The following LAMB4 variants were observed in gnomAD, a reference collection of about 807,000 sequenced individuals.
LAMB4 encodes the protein laminin subunit beta-4.
In LAMB4, 196 loss-of-function variants were observed where a neutral mutation model predicts 199.2. The ratio of observed to expected loss-of-function variants is 0.98; its 90% CI spans 0.88 to 1.11. The LOEUF (loss-of-function observed/expected upper bound fraction) is 1.11. LAMB4 is among the 50% of genes least tolerant of loss of function. The pLI is 0.00. For synonymous variants in LAMB4, 744 were observed against 770.6 expected, an observed-to-expected ratio of 0.97 and a Z score of 0.57; for missense variants, 2,080 against 2,171.2, an observed-to-expected ratio of 0.96 and a Z score of 0.83.
chr7:108,116,119 C>A lies in LAMB4; in HGVS notation c.77G>T (p.Gly26Val), dbSNP rs1225903691. 6 of 1,614,014 alleles carry A rather than the reference C, an allele frequency of 3.7e-6. No homozygotes were observed. The highest frequency in any genetic ancestry group is 1.1e-5 in the South Asian group (1 of 91,068). ...ATCACCAGTGGTGGGATGACAGGCA[C>A]CCCTGTTGCAGTCATCTTGAGCTTT... The part of the protein sequence containing the change: ...YSKAQDDCNR[G>V]ACHPTTGDLL... Residue 26 changes from glycine (G) to valine (V), a missense_variant, in exon 3 of 34, where the codon GGT becomes GTT. Gly to Val is a moderately radical substitution (Grantham distance 109). Transcript: ENST00000388781.
intron 29 of LAMB4, among the ~76,000 whole-genome samples, chr7:108,039,791 A>G (rs2035358025): frequency 6.6e-6 from 1 of 152,140 alleles, no homozygotes; most frequent in Non-Finnish European, 1.5e-5. Flanking sequence ...TTTTTAATTA[A>G]AAAAGTTCTA....
the LAMB4 span, among the ~76,000 whole-genome samples, chr7:108,012,863 A>C: frequency 2.8e-4 from 43 of 152,180 alleles, no homozygotes; most frequent in Non-Finnish European, 5.7e-4. Context: ...AGCTCCTTCT[A>C]TCTGGAATGC....
At chr7:108,021,819 A>G (rs2034700273), downstream of LAMB4, among the ~76,000 whole-genome samples, 1 of 152,308 alleles carries the variant, frequency 6.6e-6, no homozygotes, top group East Asian at 1.9e-4. Flanking sequence ...TTTTTTTGAT[A>G]CCTGGCATCA....
rs1205301668 is a variant in LAMB4, at chr7:108,116,124, G to A, written c.72C>T (p.Asn24=). 3.7e-6 allele frequency: 6 copies of A among 1,613,912 alleles called. No homozygotes were observed. The highest frequency in any genetic ancestry group is 5.1e-6 in the Non-Finnish European group (6 of 1,179,950). Residue 24 remains asparagine (N), a synonymous_variant, in exon 3 of 34, where the codon AAC becomes AAT. Transcript: ENST00000388781. ...LSYSKAQDDC[N]RGACHPTTGD... ...CAGTGGTGGGATGACAGGCACCCCT[G>A]TTGCAGTCATCTTGAGCTTTTGAGT...
At chr7:108,056,133 A>G in intron 24 of LAMB4, 126 bp from the exon 25 acceptor site, 1 of 816,726 alleles carries the variant, frequency 1.2e-6, no homozygotes, top group Non-Finnish European at 1.9e-6. Context: ...TGAATATTTA[A>G]AGCCAATATA....
intron 18 of LAMB4, among the ~76,000 whole-genome samples, chr7:108,068,943 C>T (rs1435885673): frequency 2.0e-5 from 3 of 152,192 alleles, no homozygotes; most frequent in African/African-American, 7.2e-5. Flanking sequence ...GCCTCAGCCT[C>T]CCAAAGTGCT....
chr7:108,030,785 G>A lies in LAMB4; in HGVS notation c.4992+21C>T, dbSNP rs2034998948. ...GAAGCCCTGCTTTTCTGCTCTTGGT[G>A]GCAGTGGTAGAACTAATGACCTTCT... On this transcript the variant is annotated intron_variant, in intron 32 of 33. Coordinates refer to ENST00000388781, the MANE Select transcript of LAMB4 (RefSeq NM_007356.3). 1.9e-6 allele frequency: 3 copies of A among 1,605,838 alleles called. No individual in the cohort carries two copies. The Admixed American group carries it at 5.1e-5, about 27-fold the overall frequency.
At chr7:108,116,198 T>G in intron 2 of LAMB4, 37 bp from the exon 3 acceptor site, 1 of 1,595,244 alleles carries the variant, frequency 6.3e-7, no homozygotes. Flanking sequence ...CGGAAGGCAG[T>G]CTAAGGACAG....
intron 1 of LAMB4, among the ~76,000 whole-genome samples, chr7:108,127,654 G>A (rs1475087472): frequency 1.3e-5 from 2 of 152,094 alleles, no homozygotes; most frequent in African/African-American, 2.4e-5. Flanking sequence ...CCCAGCCAGG[G>A]ACCTACTGAT....
chr7:108,038,580 A>G (rs1408342369), intron 29 of LAMB4, among the ~76,000 whole-genome samples: 1 of 152,256 alleles, frequency 6.6e-6, no homozygotes, highest in Non-Finnish European at 1.5e-5. Context: ...CCCAGGGGCC[A>G]CATGTGGCCC....
chr7:108,052,966 C>A (rs2035872408), intron 25 of LAMB4, among the ~76,000 whole-genome samples: 1 of 152,152 alleles, frequency 6.6e-6, no homozygotes, highest in South Asian at 2.1e-4. Flanking sequence ...ATTTATGGGA[C>A]TAATTTATCT....
At position 108,065,793 on chromosome 7, in the gene LAMB4, A is replaced by T. The variant is rs2036316605; in HGVS notation, c.2805T>A (p.Asp935Glu). 3 of 1,614,022 alleles carry T rather than the reference A, an allele frequency of 1.9e-6. No individual in the cohort carries two copies. Among genetic ancestry groups the T allele is most frequent in the African/African-American group, 2.7e-5 (2 of 74,934 alleles). ...HSCYQNLWSS[D>E]VICNCLQGYT... ...AACCTTGAAGACAATTGCAGATTAC[A>T]TCTGAGCTCCACAGATTCTGATAAC... is the stretch of plus-strand genomic sequence containing the variant. Residue 935 changes from aspartate (D) to glutamate (E), a missense_variant, in exon 21 of 34, where the codon GAT becomes GAA. By Grantham distance (45) the Asp-to-Glu change is conservative. Transcript: ENST00000388781.
intron 10 of LAMB4, among the ~76,000 whole-genome samples, chr7:108,100,762 A>G (rs1225245513): frequency 6.6e-6 from 1 of 152,250 alleles, no homozygotes; most frequent in Non-Finnish European, 1.5e-5. Context: ...TTTTATAAAT[A>G]CATAGTTTTA....
rs2036213736 is a variant in LAMB4 at position 108,062,896 on chromosome 7, G to A, written c.3160C>T (p.Pro1054Ser). Reference sequence around the variant, plus strand: ...TCACAGGCCAGGCCTGTGACATTCGGCAGACAAGGACATGCACCAGTGACA... The same window carrying A: ...TCACAGGCCAGGCCTGTGACATTCGACAGACAAGGACATGCACCAGTGACA... ...DPVTGACPCLPNVTGLACDRC... is the reference protein window; with the variant it reads ...DPVTGACPCLSNVTGLACDRC... Residue 1054 changes from proline to serine, a missense_variant, in exon 23 of 34, where the codon CCG becomes TCG. By Grantham distance (74) the Pro-to-Ser change is moderately conservative. Transcript: ENST00000388781. 1.2e-6 allele frequency: 2 copies of A among 1,608,874 alleles called. No individual in the cohort carries two copies. Among genetic ancestry groups the A allele is most frequent in the African/African-American group, 2.7e-5 (2 of 74,698 alleles).
chr7:108,016,816 C>T, the LAMB4 span, among the ~76,000 whole-genome samples: 1 of 152,114 alleles, frequency 6.6e-6, no homozygotes, highest in African/African-American at 2.4e-5. Flanking sequence ...TCAAAGTCTT[C>T]ACTGTAAGGA....
chr7:108,018,995 C>A (rs141575707), downstream of LAMB4, among the ~76,000 whole-genome samples: 9 of 152,234 alleles, frequency 5.9e-5, no homozygotes, highest in East Asian at 1.7e-3. Context: ...TCTTCATGTG[C>A]ATGGGGATAG....
intron 8 of LAMB4, 82 bp from the exon 9 acceptor site, chr7:108,104,701 C>G (rs1207932723): frequency 6.6e-7 from 1 of 1,521,900 alleles, no homozygotes; most frequent in Non-Finnish European, 8.9e-7. Flanking sequence ...AATGAAATAC[C>G]AGGTCCTGGT....
At chr7:108,112,064 C>T in intron 3 of LAMB4, 118 bp from the exon 4 acceptor site, 1 of 734,622 alleles carries the variant, frequency 1.4e-6, no homozygotes, top group Non-Finnish European at 2.1e-6. Context: ...AAATAAAAGG[C>T]AGAGGAAATA....
chr7:108,037,359 C>T, intron 30 of LAMB4, 29 bp downstream of exon 30: 1 of 1,547,796 alleles, frequency 6.5e-7, no homozygotes, highest in Non-Finnish European at 8.9e-7. Context: ...TCTGTTAGAG[C>T]AAGATAAGAA....
Sources: gnomAD v4.1 joint callset for allele counts (sites outside exome capture counted in the v4.1 genomes callset) on GRCh38, gnomAD v4.1.1 for gene constraint, MANE v1.5 for transcripts, NCBI Gene and HGNC (gene_info 2026-07-23, HGNC 2026-07-21) for gene names.